Variants in TLCD4 observed in about 807,000 individuals in gnomAD.
The protein encoded by TLCD4 is TLC domain containing 4, also known as TLC domain-containing protein 4.
A neutral mutation model predicts 24.2 loss-of-function variants in TLCD4; 7 were observed. The observed-to-expected ratio is 0.29, with a 90% CI of 0.16 to 0.54. The LOEUF (loss-of-function observed/expected upper bound fraction) is 0.54. Ranked by LOEUF, TLCD4 falls within the 20% of genes least tolerant of loss-of-function variation. TLCD4 has a pLI of 0.95. For synonymous variants in TLCD4, 103 were observed against 106.4 expected (o/e 0.97, Z 0.20); for missense variants, 259 against 313.9 (o/e 0.82, Z 1.32).
At chr1:95,140,372 A>G (rs1677164530) in intron 1 of TLCD4, among the ~76,000 whole-genome samples, 1 of 152,178 alleles carries the variant, frequency 6.6e-6, no homozygotes, top group African/African-American at 2.4e-5. Flanking sequence ...CAGCTCCATT[A>G]TAATCTTATG....
rs116399042 is a variant in TLCD4 at position 95,142,669 on chromosome 1, A to G, written c.-11-1222A>G. Among the ~76,000 whole-genome samples, 590 of 152,138 alleles carry G rather than the reference A, an allele frequency of 3.9e-3. 5 individuals carry two copies. Among genetic ancestry groups the G allele is most frequent in the African/African-American group, 0.014 (564 of 41,520 alleles). On this transcript the variant is annotated intron_variant, in intron 1 of 6. Coordinates refer to ENST00000370203, the MANE Select transcript of TLCD4 (RefSeq NM_152487.3). ...CAAATGAAGTAGTGGCCCACAATCT[A>G]GGCCGGTTGTGGTGCCTCACGCCTG...
chr1:95,105,894 T>G, the TLCD4 span, among the ~76,000 whole-genome samples: 1 of 115,364 alleles, frequency 8.7e-6, no homozygotes, highest in Non-Finnish European at 1.7e-5. Context: ...GACTCCGTCT[T>G]AAAAAAAAAA....
At chr1:95,185,696 A>T (rs919847022) in intron 6 of TLCD4, among the ~76,000 whole-genome samples, 9 of 152,226 alleles carry the variant, frequency 5.9e-5, no homozygotes, top group African/African-American at 2.2e-4. Context: ...TTTCTCTAGA[A>T]AATAACGTTT....
At chr1:95,167,250 T>A (rs1324865063) in intron 5 of TLCD4, among the ~76,000 whole-genome samples, 1 of 152,148 alleles carries the variant, frequency 6.6e-6, no homozygotes, top group African/African-American at 2.4e-5. Flanking sequence ...CTGCCCTCCA[T>A]ACCACAGGCG....
chr1:95,174,490 G>A (rs1301204928), intron 6 of TLCD4, among the ~76,000 whole-genome samples: 2 of 139,840 alleles, frequency 1.4e-5, no homozygotes, highest in African/African-American at 5.3e-5. Context: ...GGGTAACATT[G>A]TGAGATCCCA....
At chr1:95,107,485 T>G in the TLCD4 span, among the ~76,000 whole-genome samples, 1 of 152,136 alleles carries the variant, frequency 6.6e-6, no homozygotes, top group Non-Finnish European at 1.5e-5. Context: ...TAGTTTTTTG[T>G]CTCTGTGAAG....
At chr1:95,141,706 A>T (rs1227240801) in intron 1 of TLCD4, among the ~76,000 whole-genome samples, 1 of 152,070 alleles carries the variant, frequency 6.6e-6, no homozygotes, top group Non-Finnish European at 1.5e-5. Context: ...CCCAATAAAC[A>T]TATGTTGAAT....
At chr1:95,119,472 A>G (rs961425349) in intron 1 of TLCD4, among the ~76,000 whole-genome samples, 9 of 152,160 alleles carry the variant, frequency 5.9e-5, no homozygotes, top group Non-Finnish European at 8.8e-5. Flanking sequence ...TCCTCCCTGT[A>G]ACCAGATAAC....
intron 6 of TLCD4, among the ~76,000 whole-genome samples, chr1:95,178,563 C>CTCTTTT (rs1553172494): frequency 6.1e-5 from 5 of 82,360 alleles, no homozygotes; most frequent in African/African-American, 2.5e-4. Flanking sequence ...ATGCCCAGCC[C>CTCTTTT]TTTTTTTTTT....
the TLCD4 span, among the ~76,000 whole-genome samples, chr1:95,110,017 T>G: frequency 6.8e-6 from 1 of 147,974 alleles, no homozygotes; most frequent in Non-Finnish European, 1.5e-5. Flanking sequence ...ACTTAAATTT[T>G]TTATTGTTTA....
intron 5 of TLCD4, among the ~76,000 whole-genome samples, chr1:95,168,165 C>T (rs1198886500): frequency 1.3e-5 from 2 of 152,118 alleles, no homozygotes; most frequent in Non-Finnish European, 2.9e-5. Context: ...AAGTATTAAC[C>T]ATTCATTATA....
chr1:95,131,776 T>C (rs1676897584), intron 1 of TLCD4, among the ~76,000 whole-genome samples: 1 of 152,204 alleles, frequency 6.6e-6, no homozygotes, highest in South Asian at 2.1e-4. Flanking sequence ...CAGATCTGAA[T>C]GTATGGTGCA....
intron 6 of TLCD4, among the ~76,000 whole-genome samples, chr1:95,182,972 G>A (rs975072834): frequency 1.3e-5 from 2 of 152,132 alleles, no homozygotes; most frequent in Non-Finnish European, 2.9e-5. Context: ...GGGGTAGGGT[G>A]GATAGATGTA....
intron 5 of TLCD4, among the ~76,000 whole-genome samples, chr1:95,167,853 T>C (rs1269302890): frequency 3.9e-5 from 6 of 152,228 alleles, no homozygotes; most frequent in African/African-American, 9.6e-5. Context: ...GTTTCTTTGT[T>C]TGATCACCAA....
the TLCD4 span, among the ~76,000 whole-genome samples, chr1:95,111,167 G>T: frequency 2.6e-5 from 4 of 151,700 alleles, no homozygotes; most frequent in South Asian, 2.1e-4. Flanking sequence ...GTGTGGTAGT[G>T]TGCACCTACC....
At chr1:95,137,296 A>G (rs1677070482) in intron 1 of TLCD4, among the ~76,000 whole-genome samples, 1 of 152,198 alleles carries the variant, frequency 6.6e-6, no homozygotes, top group African/African-American at 2.4e-5. Context: ...GGGAAAAGGA[A>G]TGCTAAGCAT....
intron 5 of TLCD4, among the ~76,000 whole-genome samples, chr1:95,155,062 C>T (rs935457266): frequency 2.0e-5 from 3 of 150,932 alleles, no homozygotes; most frequent in African/African-American, 7.3e-5. Context: ...GAAAGGGTGC[C>T]CATTTCTGTC....
chr1:95,192,988 A>G lies in TLCD4; in HGVS notation c.*1120A>G, dbSNP rs1679076172. The stretch of plus-strand genomic sequence containing the variant: ...GAAAGTTTTAACACTGTTTATCCCT[A>G]TCTGCTTTCCTTGCACTTTTTCTGT... On this transcript the variant is annotated 3_prime_UTR_variant, in exon 7 of 7. Transcript: ENST00000370203. The G allele has an allele frequency of 6.6e-6, 1 of 152,110 alleles. No homozygotes were observed. The highest frequency in any genetic ancestry group is 1.5e-5 in the Non-Finnish European group (1 of 67,974). The allele number at this position is 152,110 out of a possible 1,614,324, so 9.4% of individuals were successfully genotyped here. A position where few individuals can be genotyped will look rare whatever the true frequency, so the allele number is the denominator to read the frequency against.
At chr1:95,181,603 A>T (rs6684862) in intron 6 of TLCD4, among the ~76,000 whole-genome samples, 1,744 of 146,992 alleles carry the variant, frequency 0.012, 28 homozygotes, top group African/African-American at 0.044. Context: ...TTATTTATTT[A>T]TTTTTTTTTT....
Sources: gnomAD v4.1 joint callset for allele counts (sites outside exome capture counted in the v4.1 genomes callset) on GRCh38, gnomAD v4.1.1 for gene constraint, MANE v1.5 for transcripts, NCBI Gene and HGNC (gene_info 2026-07-23, HGNC 2026-07-21) for gene names.